The following PPP2R2C variants were observed in gnomAD, a reference collection of about 807,000 sequenced individuals.
PPP2R2C encodes the protein protein phosphatase 2, regulatory subunit B, gamma.
PPP2R2C carries 10 observed loss-of-function variants against 45.3 expected under a neutral mutation model. That is an observed-to-expected ratio of 0.22 (90% confidence interval 0.14 to 0.37). The LOEUF (loss-of-function observed/expected upper bound fraction) is 0.37. Ranked by LOEUF, PPP2R2C falls within the 10% of genes least tolerant of loss-of-function variation. The pLI, the probability that PPP2R2C is intolerant of heterozygous loss-of-function variation, is 1.00. For missense variants in PPP2R2C, 308 were observed against 619.7 expected, an observed-to-expected ratio of 0.50 and a Z score of 5.34; for synonymous variants, 257 against 245.4, an observed-to-expected ratio of 1.05 and a Z score of -0.44.
At position 6,324,552 on chromosome 4, in the gene PPP2R2C, T is replaced by C. The variant is rs1271452870; in HGVS notation, c.1053-959A>G. ...AGCAGGAGGTAGACATGGAAGCAGC[T>C]GGGACAGAAAACCACCAGGCCCTGC... On this transcript the variant is annotated intron_variant, in intron 8 of 8. Transcript: ENST00000382599. The surrounding 1 kb of genome is among the most constrained non-coding windows in gnomAD (Gnocchi z 4.1). 6.6e-6 allele frequency among the ~76,000 whole-genome samples: 1 copy of C among 152,222 alleles called. No individual in the cohort carries two copies. Among genetic ancestry groups the C allele is most frequent in the Admixed American group, 6.5e-5 (1 of 15,288 alleles).
chr4:6,418,601 C>G (rs1239203251), intron 1 of PPP2R2C, among the ~76,000 whole-genome samples: 1 of 152,136 alleles, frequency 6.6e-6, no homozygotes, highest in African/African-American at 2.4e-5. Flanking sequence ...CTCAACACCC[C>G]CCACATAGGC....
At chr4:6,377,590 C>T (rs1178764546) in intron 3 of PPP2R2C, among the ~76,000 whole-genome samples, 2 of 152,078 alleles carry the variant, frequency 1.3e-5, no homozygotes, top group African/African-American at 2.4e-5. Flanking sequence ...ACCCGGGAGG[C>T]GGAGGTTGCC....
At chr4:6,349,141 C>T (rs902969666) in intron 5 of PPP2R2C, 2 of 985,400 alleles carry the variant, frequency 2.0e-6, no homozygotes, top group Non-Finnish European at 2.4e-6. Flanking sequence ...AGATCCCACC[C>T]ATCACCCTGA....
chr4:6,348,207 T>C (rs1239115567), intron 5 of PPP2R2C, among the ~76,000 whole-genome samples, 197 bp from the exon 6 acceptor site: 2 of 151,836 alleles, frequency 1.3e-5, no homozygotes, highest in Admixed American at 6.6e-5. Context: ...CTACCCCTTC[T>C]AGGTGCCTGT....
intron 1 of PPP2R2C, among the ~76,000 whole-genome samples, chr4:6,459,743 C>T (rs745432292): frequency 1.5e-4 from 23 of 152,034 alleles, no homozygotes; most frequent in African/African-American, 2.9e-4. Context: ...GCCAAGATCA[C>T]GACACTGCAC....
intron 8 of PPP2R2C, among the ~76,000 whole-genome samples, chr4:6,326,528 C>A (rs982546528): frequency 2.0e-5 from 3 of 152,144 alleles, no homozygotes. Flanking sequence ...GGGTAGGTAA[C>A]CTGGGGAAGG....
chr4:6,386,803 A>T (rs528912427), intron 1 of PPP2R2C, among the ~76,000 whole-genome samples: 1 of 152,388 alleles, frequency 6.6e-6, no homozygotes, highest in African/African-American at 2.4e-5. Context: ...AGAGATTTTT[A>T]AACTTGCTAT....
At chr4:6,480,731 A>G (rs972152172) in intron 2 of PPP2R2C, among the ~76,000 whole-genome samples, 2 of 152,222 alleles carry the variant, frequency 1.3e-5, no homozygotes. Flanking sequence ...TGGGTCATGC[A>G]TACTGGAATA....
intron 1 of PPP2R2C, among the ~76,000 whole-genome samples, chr4:6,405,615 C>T (rs1717741655): frequency 6.6e-6 from 1 of 152,132 alleles, no homozygotes; most frequent in African/African-American, 2.4e-5. Flanking sequence ...CCCCCAGGTT[C>T]CTGGGGAGTG....
At chr4:6,384,197 G>T (rs538864940) in intron 1 of PPP2R2C, 1 of 985,484 alleles carries the variant, frequency 1.0e-6, no homozygotes, top group Non-Finnish European at 1.2e-6. Flanking sequence ...ACCCAGCCCA[G>T]CTGTGCTAGG....
chr4:6,525,602 G>C (rs1380142365), intron 2 of PPP2R2C, among the ~76,000 whole-genome samples: 2 of 152,084 alleles, frequency 1.3e-5, no homozygotes, highest in Admixed American at 6.5e-5. Context: ...CCCTCTTAAG[G>C]GTTAAGCAGA....
intron 1 of PPP2R2C, among the ~76,000 whole-genome samples, chr4:6,404,227 C>T (rs1717639077): frequency 6.6e-6 from 1 of 152,146 alleles, no homozygotes; most frequent in Non-Finnish European, 1.5e-5. Flanking sequence ...AGGTCCCCCC[C>T]TCCCATACAC....
chr4:6,540,030 A>T (rs1380373016), intron 1 of PPP2R2C, among the ~76,000 whole-genome samples: 2 of 152,164 alleles, frequency 1.3e-5, no homozygotes, highest in Non-Finnish European at 2.9e-5. Context: ...CAAGCTTCTC[A>T]CTTTAAAGCA....
At chr4:6,397,795 A>G (rs1717144408) in intron 1 of PPP2R2C, among the ~76,000 whole-genome samples, 1 of 152,260 alleles carries the variant, frequency 6.6e-6, no homozygotes, top group South Asian at 2.1e-4. Flanking sequence ...AGGATTAAAT[A>G]AGCGAAAATA....
chr4:6,431,294 C>G (rs896248213), intron 1 of PPP2R2C, among the ~76,000 whole-genome samples: 2 of 152,190 alleles, frequency 1.3e-5, no homozygotes, highest in African/African-American at 4.8e-5. Flanking sequence ...AACAAGATGT[C>G]TGCTGGCTCT....
At chr4:6,370,913 GC>G (rs1175248086) in intron 5 of PPP2R2C, among the ~76,000 whole-genome samples, 3 of 152,194 alleles carry the variant, frequency 2.0e-5, no homozygotes, top group African/African-American at 7.2e-5. Flanking sequence ...AGCCTTCAAA[GC>G]AGCTCAGGTC....
intron 6 of PPP2R2C, among the ~76,000 whole-genome samples, chr4:6,337,251 C>T (rs1733052230): frequency 6.7e-6 from 1 of 149,696 alleles, no homozygotes; most frequent in East Asian, 2.0e-4. Context: ...ACTTCGAACG[C>T]TTGATTCCCT....
intron 6 of PPP2R2C, among the ~76,000 whole-genome samples, chr4:6,335,555 C>T (rs1003798725): frequency 1.3e-5 from 2 of 152,086 alleles, no homozygotes; most frequent in African/African-American, 2.4e-5. Context: ...ATTAGGGAAA[C>T]GGGAGCCACT....
At chr4:6,477,826 C>G (rs1384762136) in intron 2 of PPP2R2C, among the ~76,000 whole-genome samples, 1 of 152,126 alleles carries the variant, frequency 6.6e-6, no homozygotes, top group Admixed American at 6.5e-5. Flanking sequence ...CCTTCACCCC[C>G]CACAGCCTGT....
Sources: allele counts gnomAD v4.1 joint callset (sites outside exome capture counted in the v4.1 genomes callset), GRCh38; gene constraint gnomAD v4.1.1; non-coding constraint Gnocchi (gnomAD v3.1); transcripts MANE v1.5; gene names NCBI Gene and HGNC (gene_info 2026-07-23, HGNC 2026-07-21).